The following MACO1 variants were observed in gnomAD, a reference collection of about 807,000 sequenced individuals.
The protein encoded by MACO1 is macoilin 1.
Under a neutral mutation model 78.7 loss-of-function variants are expected in MACO1, and 14 were observed. The observed-to-expected ratio is 0.18, with a 90% CI of 0.12 to 0.28. The LOEUF (loss-of-function observed/expected upper bound fraction) is 0.28, where lower values mean the gene tolerates loss of function less well. Among genes scored for constraint, MACO1 ranks in the 10% least tolerant of loss-of-function variants. The probability of loss-of-function intolerance (pLI) is 1.00; values close to 1 mark genes in which losing one functional copy is unlikely to be tolerated. For missense variants in MACO1, 501 were observed against 799.0 expected (o/e 0.63, Z 4.50); for synonymous variants, 288 against 291.6 (o/e 0.99, Z 0.12).
chr1:25,456,888 G>C, intron 5 of MACO1, 57 bp downstream of exon 5: 1 of 1,508,012 alleles, frequency 6.6e-7, no homozygotes, highest in African/African-American at 1.4e-5. Flanking sequence ...TTTGTCTCTT[G>C]GTAGAATTTT....
At chr1:25,472,937 C>G (rs1033143917) in intron 6 of MACO1, among the ~76,000 whole-genome samples, 1 of 152,194 alleles carries the variant, frequency 6.6e-6, no homozygotes, top group African/African-American at 2.4e-5. Context: ...AAACTAGACA[C>G]TTAGATGTTC....
intron 6 of MACO1, among the ~76,000 whole-genome samples, chr1:25,460,579 AT>A (rs1386454527): frequency 6.6e-6 from 1 of 151,886 alleles, no homozygotes; most frequent in Non-Finnish European, 1.5e-5. Context: ...TAATTTTTTA[AT>A]TTTTTTGTAG....
chr1:25,443,090 C>T (rs2042986129), intron 1 of MACO1, among the ~76,000 whole-genome samples: 2 of 152,160 alleles, frequency 1.3e-5, no homozygotes, highest in Non-Finnish European at 2.9e-5. Flanking sequence ...CTAATTTTCT[C>T]ATCCCTTGGA....
rs140298876 is a variant in MACO1, at chr1:25,458,259, G to T, written c.653-132G>T. 102 of 1,254,016 alleles carry T rather than the reference G, an allele frequency of 8.1e-5. No homozygotes were observed. In the African/African-American group the frequency reaches 1.1e-3, roughly 13 times the overall value. 77.7% of individuals were successfully genotyped at this position (1,254,016 alleles called of 1,614,324 possible). On this transcript the variant is annotated intron_variant, in intron 5 of 10. Coordinates refer to ENST00000374343, the MANE Select transcript of MACO1 (RefSeq NM_018202.6). ...TATGAGGATTTGCTTCTTGATTAGC[G>T]TATAATGAGTGTGCAAACTAATGTG...
At chr1:25,437,240 T>G (rs2042926949) in intron 1 of MACO1, among the ~76,000 whole-genome samples, 1 of 149,470 alleles carries the variant, frequency 6.7e-6, no homozygotes, top group East Asian at 2.0e-4. Context: ...GTTCAAGAGA[T>G]CCTTACACTT....
intron 3 of MACO1, among the ~76,000 whole-genome samples, chr1:25,449,943 C>T (rs911482036): frequency 2.6e-5 from 4 of 152,154 alleles, no homozygotes; most frequent in Admixed American, 1.3e-4. Flanking sequence ...CGCTTGAACC[C>T]GGGAGACAGA....
chr1:25,457,891 A>G (rs1005966531), intron 5 of MACO1, among the ~76,000 whole-genome samples: 1 of 152,226 alleles, frequency 6.6e-6, no homozygotes, highest in Non-Finnish European at 1.5e-5. Flanking sequence ...CCTCAACACT[A>G]GAGTCCAGAA....
At chr1:25,492,043 G>T (rs147727866) in intron 10 of MACO1, among the ~76,000 whole-genome samples, 4 of 152,104 alleles carry the variant, frequency 2.6e-5, no homozygotes, top group Admixed American at 6.5e-5. Context: ...AGGGTGAGGG[G>T]TAGAGGGGTC....
intron 6 of MACO1, among the ~76,000 whole-genome samples, chr1:25,466,679 AT>A (rs1228272959): frequency 2.0e-5 from 3 of 152,106 alleles, no homozygotes; most frequent in Non-Finnish European, 4.4e-5. Flanking sequence ...TTCTTCGTAT[AT>A]TTTCGATAAT....
chr1:25,484,103 C>G lies in MACO1; in HGVS notation c.1155-13C>G. On this transcript the variant is annotated splice_polypyrimidine_tract_variant and intron_variant, in intron 6 of 10. Coordinates refer to ENST00000374343, the MANE Select transcript of MACO1 (RefSeq NM_018202.6). ...TCACCTAGATGAAAATGCTGCATTT[C>G]TCATTCTCCTAGGCTGGAACAAGAC... 5 of 1,599,658 alleles carry G rather than the reference C, an allele frequency of 3.1e-6. No homozygotes were observed. The highest frequency in any genetic ancestry group is 4.3e-6 in the Non-Finnish European group (5 of 1,174,660).
chr1:25,462,271 C>T (rs1037095980), intron 6 of MACO1, among the ~76,000 whole-genome samples: 6 of 151,964 alleles, frequency 3.9e-5, no homozygotes, highest in Non-Finnish European at 7.4e-5. Flanking sequence ...GATGCTTTAG[C>T]GATAAAACTG....
In MACO1 at chr1:25,489,201, C is replaced by T. The variant is rs375816523; in HGVS notation, c.1525C>T (p.Arg509Trp). 2 of 1,613,874 alleles carry T rather than the reference C, an allele frequency of 1.2e-6. No individual in the cohort carries two copies. Among genetic ancestry groups the T allele is most frequent in the Non-Finnish European group, 1.7e-6 (2 of 1,179,936 alleles). Residue 509 changes from arginine to tryptophan, a missense_variant, in exon 9 of 11, where the codon CGG (arginine) becomes TGG (tryptophan). Around this residue, in one of 5 missense-constraint regions of MACO1, gnomAD observed 163 missense variants for 271.9 expected, o/e 0.60. Transcript: ENST00000374343. ...AGAATGCACCGAAACCTTACGGAAT[C>T]GGATCAGAGAACTAGAAGCAGAGGG... is the stretch of plus-strand genomic sequence containing the variant. The part of the protein sequence containing the change: ...RGECTETLRN[R>W]IRELEAEGKK...
At chr1:25,461,296 G>A (rs2043169211) in intron 6 of MACO1, among the ~76,000 whole-genome samples, 1 of 151,906 alleles carries the variant, frequency 6.6e-6, no homozygotes, top group Non-Finnish European at 1.5e-5. Flanking sequence ...CACCAACATG[G>A]CACGTGTATA....
In MACO1 at chr1:25,498,498, G is replaced by A; in HGVS notation, c.*32G>A. 6.4e-7 allele frequency: 1 copy of A among 1,558,402 alleles called. No homozygotes were observed. The highest frequency in any genetic ancestry group is 8.7e-7 in the Non-Finnish European group (1 of 1,155,928). ...GCTGTGTGTTGTGCCCAAAAATTTG[G>A]TTACCGGAAGGCATTGCAAAGGAGC... On this transcript the variant is annotated 3_prime_UTR_variant, in exon 11 of 11. Transcript: ENST00000374343.
chr1:25,476,574 G>A (rs1274934619), intron 6 of MACO1, among the ~76,000 whole-genome samples: 2 of 152,232 alleles, frequency 1.3e-5, no homozygotes, highest in African/African-American at 4.8e-5. Context: ...GAGTGACCTG[G>A]AAAGGAGAGA....
At chr1:25,472,695 A>T (rs1298672694) in intron 6 of MACO1, among the ~76,000 whole-genome samples, 2 of 152,124 alleles carry the variant, frequency 1.3e-5, no homozygotes, top group Admixed American at 6.5e-5. Context: ...CTTGGTAGAC[A>T]GTGATTCAGG....
At chr1:25,463,990 C>A (rs1309193866) in intron 6 of MACO1, among the ~76,000 whole-genome samples, 1 of 151,744 alleles carries the variant, frequency 6.6e-6, no homozygotes, top group Non-Finnish European at 1.5e-5. Flanking sequence ...CACAGACGAA[C>A]CTCCATTGAC....
At chr1:25,484,420 C>A in intron 7 of MACO1, 146 bp downstream of exon 7, 1 of 717,974 alleles carries the variant, frequency 1.4e-6, no homozygotes, top group Non-Finnish European at 2.1e-6. Flanking sequence ...TATTTAGTAC[C>A]AGATATTCAA....
intron 1 of MACO1, among the ~76,000 whole-genome samples, chr1:25,442,717 G>A (rs2042982952): frequency 1.0e-5 from 1 of 99,974 alleles, no homozygotes; most frequent in Admixed American, 9.4e-5. Context: ...TAGAATGGGG[G>A]GAAACCTTAT....
Sources: allele counts gnomAD v4.1 joint callset (sites outside exome capture counted in the v4.1 genomes callset), GRCh38; gene constraint gnomAD v4.1.1; regional missense constraint gnomAD v4.1.1; transcripts MANE v1.5; gene names NCBI Gene and HGNC (gene_info 2026-07-23, HGNC 2026-07-21).